BLTP3A: variants seen among roughly 807,000 people sequenced by gnomAD.
BLTP3A encodes bridge-like lipid transfer protein family member 3A, also known as ICBP90 binding protein 1.
At chr6:34,844,101 C>T in the BLTP3A span, among the ~76,000 whole-genome samples, 6 of 152,138 alleles carry the variant, frequency 3.9e-5, no homozygotes, top group South Asian at 8.3e-4. Flanking sequence ...CTGCCTCAGC[C>T]TCCTGAGTAG....
the BLTP3A span, among the ~76,000 whole-genome samples, chr6:34,868,508 A>C: frequency 6.6e-5 from 10 of 151,754 alleles, no homozygotes; most frequent in African/African-American, 2.2e-4. Flanking sequence ...GGATCACTTG[A>C]GGTCAGGAAT....
chr6:34,846,206 G>A, the BLTP3A span, among the ~76,000 whole-genome samples: 6 of 148,216 alleles, frequency 4.0e-5, no homozygotes, highest in South Asian at 6.5e-4. Context: ...GTACTGTGGC[G>A]CAATCTCAGC....
the BLTP3A span, among the ~76,000 whole-genome samples, chr6:34,853,046 GGGT>G: frequency 3.3e-5 from 5 of 152,208 alleles, no homozygotes; most frequent in African/African-American, 1.2e-4. Flanking sequence ...GCTGGGGGTG[GGGT>G]GGTGTCAGCA....
chr6:34,862,111 G>A, the BLTP3A span, among the ~76,000 whole-genome samples: 195 of 152,248 alleles, frequency 1.3e-3, no homozygotes, highest in Non-Finnish European at 2.5e-3. Flanking sequence ...GGGTGCGGTG[G>A]CTCACGCTTG....
At chr6:34,859,518 C>T in the BLTP3A span, 4 of 1,614,132 alleles carry the variant, frequency 2.5e-6, no homozygotes, top group Admixed American at 5.0e-5. Flanking sequence ...TCAGTTTGGG[C>T]AGAGATCGAA....
chr6:34,858,461 C>T, the BLTP3A span: 1 of 1,614,068 alleles, frequency 6.2e-7, no homozygotes, highest in African/African-American at 1.3e-5. Flanking sequence ...ACCCAGATCT[C>T]CTTGGACTTT....
At chr6:34,821,888 AG>A in the BLTP3A span, 3 of 1,614,224 alleles carry the variant, frequency 1.9e-6, no homozygotes, top group Non-Finnish European at 2.5e-6. Flanking sequence ...CAGCTACCAC[AG>A]CCCTGAGACT....
chr6:34,869,400 A>G, the BLTP3A span, among the ~76,000 whole-genome samples: 4 of 152,160 alleles, frequency 2.6e-5, no homozygotes, highest in African/African-American at 9.7e-5. Context: ...GTCATAGGTA[A>G]TCACTATCCT....
At chr6:34,871,488 C>CATA in the BLTP3A span, 1 of 1,222,242 alleles carries the variant, frequency 8.2e-7, no homozygotes. Flanking sequence ...GACAAACTGG[C>CATA]ATAAAGCTGC....
chr6:34,810,322 A>G, the BLTP3A span, among the ~76,000 whole-genome samples: 1 of 152,204 alleles, frequency 6.6e-6, no homozygotes, highest in Non-Finnish European at 1.5e-5. Context: ...TGCAATATGC[A>G]ATTTATTGGA....
the BLTP3A span, among the ~76,000 whole-genome samples, chr6:34,851,808 A>G: frequency 2.6e-5 from 4 of 151,146 alleles, no homozygotes; most frequent in Non-Finnish European, 5.9e-5. Flanking sequence ...CTATTCTACT[A>G]TGGCTGAGCT....
chr6:34,804,456 A>G, the BLTP3A span, among the ~76,000 whole-genome samples: 1 of 152,174 alleles, frequency 6.6e-6, no homozygotes, highest in Admixed American at 6.6e-5. Context: ...TAATGCATTA[A>G]GAAGTATCTG....
chr6:34,866,753 T>C, the BLTP3A span, among the ~76,000 whole-genome samples: 1 of 152,178 alleles, frequency 6.6e-6, no homozygotes, highest in Admixed American at 6.5e-5. Context: ...TCCCCTCCCC[T>C]CAGTCCCTGA....
chr6:34,806,347 C>G, the BLTP3A span, among the ~76,000 whole-genome samples: 4 of 152,026 alleles, frequency 2.6e-5, no homozygotes, highest in Admixed American at 6.6e-5. Context: ...TGGTTTGAGC[C>G]CATTAACCCT....
At chr6:34,797,643 T>TA in the BLTP3A span, among the ~76,000 whole-genome samples, 1 of 152,240 alleles carries the variant, frequency 6.6e-6, no homozygotes, top group African/African-American at 2.4e-5. Flanking sequence ...CATTTTCTAG[T>TA]AATAGTTAAA....
chr6:34,808,364 A>AT, the BLTP3A span, among the ~76,000 whole-genome samples: 1 of 150,866 alleles, frequency 6.6e-6, no homozygotes, highest in Admixed American at 6.6e-5. Context: ...AAAAAAAAAA[A>AT]AAAAAAGAAT....
the BLTP3A span, chr6:34,871,222 C>T: frequency 3.0e-6 from 4 of 1,327,616 alleles, no homozygotes; most frequent in Non-Finnish European, 3.1e-6. Context: ...TCCCTTTTCA[C>T]TGTAAAATAT....
At chr6:34,816,438 C>A in the BLTP3A span, among the ~76,000 whole-genome samples, 1 of 151,898 alleles carries the variant, frequency 6.6e-6, no homozygotes, top group Non-Finnish European at 1.5e-5. Flanking sequence ...AGGGAGACCC[C>A]ATCTCTACAA....
the BLTP3A span, among the ~76,000 whole-genome samples, chr6:34,864,427 T>G: frequency 6.6e-6 from 1 of 152,114 alleles, no homozygotes; most frequent in Non-Finnish European, 1.5e-5. Context: ...CAGAAAGAGA[T>G]TCAAACCAAA....
Sources: gnomAD v4.1 joint callset for allele counts (sites outside exome capture counted in the v4.1 genomes callset) on GRCh38, gnomAD v4.1.1 for gene constraint, MANE v1.5 for transcripts, NCBI Gene and HGNC (gene_info 2026-07-23, HGNC 2026-07-21) for gene names.